The following UGT2B11 variants were observed in gnomAD, a reference collection of about 807,000 sequenced individuals.
The protein encoded by UGT2B11 is UDP glucuronosyltransferase family 2 member B11, also known as UDP-glucuronosyltransferase 2B11.
In UGT2B11, 49 loss-of-function variants were observed where a neutral mutation model predicts 51.7. The observed-to-expected ratio is 0.95, with a 90% confidence interval of 0.75 to 1.20. The LOEUF is 1.20. Among genes scored for constraint, UGT2B11 ranks in the 50% most tolerant of loss-of-function variants. UGT2B11 has a pLI of 0.00. For missense variants in UGT2B11, 810 were observed against 622.1 expected, an observed-to-expected ratio of 1.30 and a Z score of -3.21; for synonymous variants, 273 against 209.0, an observed-to-expected ratio of 1.31 and a Z score of -2.64.
At chr4:69,207,745 A>G (rs572994622) in intron 3 of UGT2B11, among the ~76,000 whole-genome samples, 1 of 151,794 alleles carries the variant, frequency 6.6e-6, no homozygotes, top group African/African-American at 2.4e-5. Context: ...AAGTACAAAC[A>G]GAAATAGTAC....
the UGT2B11 span, among the ~76,000 whole-genome samples, chr4:69,222,590 C>T: frequency 6.6e-6 from 1 of 152,196 alleles, no homozygotes; most frequent in Non-Finnish European, 1.5e-5. Flanking sequence ...TACCATAGAT[C>T]CCCAAATTAC....
At chr4:69,221,904 T>A in the UGT2B11 span, among the ~76,000 whole-genome samples, 67 of 152,266 alleles carry the variant, frequency 4.4e-4, no homozygotes, top group African/African-American at 1.1e-3. Context: ...GGTCCAGAGG[T>A]CCTTCATCCT....
upstream of UGT2B11, among the ~76,000 whole-genome samples, chr4:69,218,372 T>C (rs1291940760): frequency 1.3e-5 from 2 of 152,090 alleles, no homozygotes; most frequent in East Asian, 3.9e-4. Context: ...AATGTGATAA[T>C]TTAAATTTTT....
intron 4 of UGT2B11, among the ~76,000 whole-genome samples, chr4:69,205,015 G>T (rs564607199): frequency 1.2e-3 from 186 of 151,790 alleles, no homozygotes; most frequent in African/African-American, 3.7e-3. Flanking sequence ...CAGTGGGTTG[G>T]TGGTGGTGCT....
Position 69,200,581 on chromosome 4 carries a change from G to A in UGT2B11, c.1449C>T (p.Leu483=), listed in dbSNP as rs1721617483. ...AKHLRVAAHD[L]TWFQYHSLDV... is the part of the protein sequence containing the mutation. ...CCAAAGAGTGGTACTGGAACCAGGTGAGGTCATGGGCTGCAACTCGAAGGT... is the reference window on the plus strand; with the variant it reads ...CCAAAGAGTGGTACTGGAACCAGGTAAGGTCATGGGCTGCAACTCGAAGGT... The change falls in exon 6 of 6, where the codon CTC becomes CTT. Residue 483 remains leucine, a synonymous_variant. Coordinates refer to ENST00000446444, the MANE Select transcript of UGT2B11 (RefSeq NM_001073.3). The A allele has an allele frequency of 6.2e-7, 1 of 1,612,480 alleles. No individual in the cohort carries two copies. Among genetic ancestry groups the A allele is most frequent in the East Asian group, 2.2e-5 (1 of 44,740 alleles).
chr4:69,209,807 T>C (rs1430437921), intron 2 of UGT2B11, among the ~76,000 whole-genome samples: 1 of 151,570 alleles, frequency 6.6e-6, no homozygotes, highest in Non-Finnish European at 1.5e-5. Context: ...TTCTACTAGG[T>C]GTTGAAGGAA....
upstream of UGT2B11, among the ~76,000 whole-genome samples, chr4:69,219,122 T>C (rs530163227): frequency 2.8e-4 from 43 of 152,074 alleles, no homozygotes; most frequent in African/African-American, 9.9e-4. Context: ...GTATTTTCTC[T>C]CCAAAGATCT....
intron 3 of UGT2B11, among the ~76,000 whole-genome samples, chr4:69,207,281 A>T (rs550483103): frequency 6.6e-6 from 1 of 151,782 alleles, no homozygotes; most frequent in Admixed American, 6.6e-5. Context: ...CTCCAAAGCA[A>T]TCCTCACAAA....
rs759355725 is a variant in UGT2B11, at chr4:69,214,141, T to C, written c.582A>G (p.Ile194Met). The C allele has an allele frequency of 2.5e-6, 4 of 1,612,542 alleles. No homozygotes were observed. In the South Asian group the frequency reaches 4.4e-5, roughly 18 times the overall value. The change falls in exon 1 of 6, where the codon ATA (isoleucine) becomes ATG (methionine). Residue 194 changes from isoleucine to methionine, a missense_variant. Transcript: ENST00000446444. ...CACTTAATTTTGACATAACAATAGG[T>C]ATGTAGGAAGGAGGGAAAATCAGTC... ...SGGLIFPPSY[I>M]PIVMSKLSDQ...
chr4:69,206,905 G>A lies in UGT2B11; in HGVS notation c.1003-1338C>T, dbSNP rs1479438545. Among the ~76,000 whole-genome samples the A allele has an allele frequency of 4.6e-5, 7 of 151,600 alleles. No individual in the cohort carries two copies. The East Asian group carries it at 7.8e-4, about 17-fold the overall frequency. ...CTGTTGTCCTTTGATTGACAAAATA[G>A]CAAGTCTATAAAATAAGCTACTTAT... On this transcript the variant is annotated intron_variant, in intron 3 of 5. Coordinates refer to ENST00000446444, the MANE Select transcript of UGT2B11 (RefSeq NM_001073.3).
At chr4:69,209,538 T>TG (rs1721980877) in intron 2 of UGT2B11, among the ~76,000 whole-genome samples, 2 of 151,660 alleles carry the variant, frequency 1.3e-5, no homozygotes, top group Admixed American at 6.6e-5. Context: ...ATTTAATCAT[T>TG]GGGGTAAAAC....
chr4:69,203,822 G>T (rs2109941047), intron 5 of UGT2B11, among the ~76,000 whole-genome samples: 1 of 151,706 alleles, frequency 6.6e-6, no homozygotes, highest in African/African-American at 2.4e-5. Context: ...AAAACAAATT[G>T]GTGTTAGACT....
At chr4:69,214,856 G>C (rs1722216602), upstream of UGT2B11, 1 of 1,381,370 alleles carries the variant, frequency 7.2e-7, no homozygotes, top group African/African-American at 1.5e-5. Flanking sequence ...CTGAGTACAT[G>C]GATGGCAAGG....
Position 69,200,432 on chromosome 4 carries a change from A to G in UGT2B11, c.*8T>C. On this transcript the variant is annotated 3_prime_UTR_variant, in exon 6 of 6. Transcript: ENST00000446444. ...ATCTGGTTTTCCAGCTTCAAATGTC[A>G]GACATAACTAATCTCTTTTTCCCTT... 3.1e-6 allele frequency: 5 copies of G among 1,605,064 alleles called. No homozygotes were observed. The East Asian group carries it at 6.8e-5, about 22-fold the overall frequency.
intron 5 of UGT2B11, among the ~76,000 whole-genome samples, chr4:69,201,000 T>G (rs1459951252): frequency 6.6e-6 from 1 of 150,956 alleles, no homozygotes; most frequent in Admixed American, 6.6e-5. Flanking sequence ...GGCTTTTAAT[T>G]GTTTAATGTT....
intron 2 of UGT2B11, among the ~76,000 whole-genome samples, chr4:69,208,960 A>G (rs957011491): frequency 6.6e-6 from 1 of 151,662 alleles, no homozygotes; most frequent in African/African-American, 2.4e-5. Context: ...AAATATGAGC[A>G]CTGAGGAAAA....
the UGT2B11 span, among the ~76,000 whole-genome samples, chr4:69,224,610 C>G: frequency 6.6e-6 from 1 of 152,034 alleles, no homozygotes; most frequent in Non-Finnish European, 1.5e-5. Flanking sequence ...CACCACGTGA[C>G]GATGTAAATG....
chr4:69,201,195 C>T (rs1721646130), intron 5 of UGT2B11: 2 of 152,190 alleles, frequency 1.3e-5, no homozygotes, highest in African/African-American at 4.8e-5. Flanking sequence ...TGCTCAGCAT[C>T]ATGAGCCATT....
chr4:69,205,441 G>C (rs551576627), intron 4 of UGT2B11, 39 bp downstream of exon 4: 18 of 1,594,448 alleles, frequency 1.1e-5, no homozygotes, highest in Admixed American at 1.7e-5. Context: ...CTAATGTGCA[G>C]TTACTAATAT....
Sources: gnomAD v4.1 joint callset for allele counts (sites outside exome capture counted in the v4.1 genomes callset) on GRCh38, gnomAD v4.1.1 for gene constraint, MANE v1.5 for transcripts, NCBI Gene and HGNC (gene_info 2026-07-23, HGNC 2026-07-21) for gene names.